The following ATG4C variants were observed in gnomAD, a reference collection of about 807,000 sequenced individuals.
ATG4C encodes the protein autophagy related 4C cysteine peptidase.
Under a neutral mutation model 57.6 loss-of-function variants are expected in ATG4C, and 56 were observed. The observed-to-expected ratio is 0.97, with a 90% CI of 0.78 to 1.21. The LOEUF (loss-of-function observed/expected upper bound fraction) is 1.21, where lower values mean the gene tolerates loss of function less well. Among genes scored for constraint, ATG4C ranks in the 50% most tolerant of loss-of-function variants. The probability of loss-of-function intolerance (pLI) is 0.00; values close to 1 mark genes in which losing one functional copy is unlikely to be tolerated. For synonymous variants in ATG4C, 157 were observed against 174.1 expected (o/e 0.90, Z 0.78); for missense variants, 595 against 529.8 (o/e 1.12, Z -1.21).
chr1:62,864,158 A>G lies in ATG4C; in HGVS notation c.1376A>G (p.Ter459=), dbSNP rs1404483102. 2.9e-5 allele frequency: 46 copies of G among 1,596,990 alleles called. No individual in the cohort carries two copies. The highest frequency in any genetic ancestry group is 3.8e-5 in the Non-Finnish European group (45 of 1,174,988). ...AGCACGGAAGAGTTTGTCTTGCTTT[A>G]AAGATTAGCACATTTGTGCTTGATA... ...RFSTEEFVLL[*] is the part of the protein sequence containing the mutation. The change falls in exon 11 of 11, where the codon TAA becomes TGA. Residue 459 remains the stop codon, a stop_retained_variant. Transcript: ENST00000317868.
chr1:62,816,940 G>A, intron 4 of ATG4C, 132 bp downstream of exon 4: 1 of 736,756 alleles, frequency 1.4e-6, no homozygotes. Flanking sequence ...ATTTTCTAAG[G>A]AGTTGTAACT....
intron 1 of ATG4C, among the ~76,000 whole-genome samples, chr1:62,796,725 T>C (rs1433389772): frequency 3.3e-5 from 5 of 152,238 alleles, no homozygotes; most frequent in Admixed American, 6.5e-5. Context: ...ATAATATTGA[T>C]GTTTTTTAAA....
intron 10 of ATG4C, among the ~76,000 whole-genome samples, chr1:62,856,676 T>G (rs550875632): frequency 1.3e-5 from 2 of 152,260 alleles, no homozygotes; most frequent in South Asian, 4.1e-4. Flanking sequence ...TAGACAAATG[T>G]ATAGGACTTT....
intron 10 of ATG4C, among the ~76,000 whole-genome samples, chr1:62,854,569 G>A (rs571040427): frequency 9.9e-5 from 15 of 152,182 alleles, no homozygotes; most frequent in Non-Finnish European, 1.6e-4. Flanking sequence ...GAGCCACCAC[G>A]TCCAGCTGTT....
At chr1:62,856,624 T>C (rs1046001870) in intron 10 of ATG4C, among the ~76,000 whole-genome samples, 5 of 152,230 alleles carry the variant, frequency 3.3e-5, no homozygotes, top group Non-Finnish European at 7.3e-5. Flanking sequence ...GAACTGATAC[T>C]GTCCAACTCC....
intron 10 of ATG4C, among the ~76,000 whole-genome samples, chr1:62,858,482 A>G (rs548978428): frequency 2.0e-5 from 3 of 152,326 alleles, no homozygotes; most frequent in East Asian, 3.9e-4. Flanking sequence ...GTTGAGACAG[A>G]TAGTAGGTAA....
At chr1:62,836,581 C>T (rs1666006147) in intron 9 of ATG4C, among the ~76,000 whole-genome samples, 1 of 152,130 alleles carries the variant, frequency 6.6e-6, no homozygotes, top group African/African-American at 2.4e-5. Context: ...GTTTATAATA[C>T]ACCAATTGAA....
intron 10 of ATG4C, among the ~76,000 whole-genome samples, chr1:62,858,676 AT>A (rs1666758740): frequency 6.6e-6 from 1 of 152,158 alleles, no homozygotes; most frequent in Non-Finnish European, 1.5e-5. Flanking sequence ...GGGAAATGGT[AT>A]TTTAAGAAAG....
At chr1:62,850,854 G>GTATGTGTA (rs1553230151) in intron 10 of ATG4C, among the ~76,000 whole-genome samples, 1 of 84,120 alleles carries the variant, frequency 1.2e-5, no homozygotes, top group Non-Finnish European at 2.6e-5. Flanking sequence ...GTGTATGTAT[G>GTATGTGTA]TATATATATA....
intron 10 of ATG4C, among the ~76,000 whole-genome samples, chr1:62,860,796 A>G (rs929503141): frequency 6.6e-6 from 1 of 152,210 alleles, no homozygotes; most frequent in Non-Finnish European, 1.5e-5. Flanking sequence ...CTACATAGAT[A>G]TACACTGCCC....
intron 6 of ATG4C, among the ~76,000 whole-genome samples, chr1:62,827,725 G>C (rs934093788): frequency 6.6e-6 from 1 of 151,988 alleles, no homozygotes; most frequent in South Asian, 2.1e-4. Context: ...CTTATGTCAC[G>C]GGGGTTTGTT....
chr1:62,864,268 G>A lies in ATG4C; in HGVS notation c.*109G>A. On this transcript the variant is annotated 3_prime_UTR_variant, in exon 11 of 11. Transcript: ENST00000317868. ...TTTCACAAATATCTTAATTTTATAT[G>A]TTCTTTAAAAAAGAACATTTGAAAA... is the stretch of plus-strand genomic sequence containing the variant. 1.1e-6 allele frequency: 1 copy of A among 897,882 alleles called. No individual in the cohort carries two copies. Among genetic ancestry groups the A allele is most frequent in the Non-Finnish European group, 1.6e-6 (1 of 614,158 alleles). 55.6% of individuals were successfully genotyped at this position (897,882 alleles called of 1,614,324 possible). A position where few individuals can be genotyped will look rare whatever the true frequency, so the allele number is the denominator to read the frequency against.
chr1:62,837,102 T>C (rs1219251546), intron 9 of ATG4C, among the ~76,000 whole-genome samples: 1 of 152,132 alleles, frequency 6.6e-6, no homozygotes, highest in Non-Finnish European at 1.5e-5. Flanking sequence ...GTTGAACTCT[T>C]TTCTTCTCTG....
intron 6 of ATG4C, among the ~76,000 whole-genome samples, chr1:62,826,952 C>T (rs1317616185): frequency 2.0e-5 from 3 of 152,094 alleles, no homozygotes; most frequent in African/African-American, 7.2e-5. Flanking sequence ...AGCCCTTGCC[C>T]CTGTAGCCTA....
intron 6 of ATG4C, among the ~76,000 whole-genome samples, chr1:62,822,930 G>A (rs1210659134): frequency 6.6e-6 from 1 of 152,142 alleles, no homozygotes; most frequent in African/African-American, 2.4e-5. Context: ...CGAGGTCGGG[G>A]GATCACTTGA....
At chr1:62,826,758 A>G (rs1665674422) in intron 6 of ATG4C, among the ~76,000 whole-genome samples, 1 of 96,946 alleles carries the variant, frequency 1.0e-5, no homozygotes, top group African/African-American at 4.0e-5. Flanking sequence ...CTACCCCACA[A>G]CAGGCCCTGG....
chr1:62,824,605 G>A (rs528821558), intron 6 of ATG4C, among the ~76,000 whole-genome samples: 1 of 151,390 alleles, frequency 6.6e-6, no homozygotes, highest in Non-Finnish European at 1.5e-5. Context: ...CTCTTGAACT[G>A]TGGTACTTAG....
At position 62,864,365 on chromosome 1, in the gene ATG4C, G is replaced by T. The variant is rs1352963456; in HGVS notation, c.*206G>T. On this transcript the variant is annotated 3_prime_UTR_variant, in exon 11 of 11. Coordinates refer to ENST00000317868, the MANE Select transcript of ATG4C (RefSeq NM_032852.4). ...TCTTGCTTTCTAATAAATAAATTGAGTGATTCTGGTTGCATTCCTATTTCC... is the reference window on the plus strand; with the variant it reads ...TCTTGCTTTCTAATAAATAAATTGATTGATTCTGGTTGCATTCCTATTTCC... 4.8e-6 allele frequency: 2 copies of T among 414,804 alleles called. No homozygotes were observed. The highest frequency in any genetic ancestry group is 2.1e-5 in the African/African-American group (1 of 47,394). The allele number at this position is 414,804 out of a possible 1,614,324, so 25.7% of individuals were successfully genotyped here. A position where few individuals can be genotyped will look rare whatever the true frequency, so the allele number is the denominator to read the frequency against.
chr1:62,847,956 C>A (rs1666379981), intron 10 of ATG4C, among the ~76,000 whole-genome samples: 1 of 152,146 alleles, frequency 6.6e-6, no homozygotes, highest in Non-Finnish European at 1.5e-5. Context: ...TGGAATAGTT[C>A]TATTTAACAC....
Sources: gnomAD v4.1 joint callset for allele counts (sites outside exome capture counted in the v4.1 genomes callset) on GRCh38, gnomAD v4.1.1 for gene constraint, MANE v1.5 for transcripts, NCBI Gene and HGNC (gene_info 2026-07-23, HGNC 2026-07-21) for gene names.